Variants in GLI2 observed in about 807,000 individuals in gnomAD.
The protein encoded by GLI2 is GLI family zinc finger 2, also known as transcription activator GLI2.
In GLI2, 22 loss-of-function variants were observed where a neutral mutation model predicts 78.9. That is an observed-to-expected ratio of 0.28 (90% CI 0.20 to 0.40). GLI2 has a LOEUF of 0.40. GLI2 is among the 10% of genes least tolerant of loss of function. The pLI, the probability that GLI2 is intolerant of heterozygous loss-of-function variation, is 1.00. For synonymous variants in GLI2, 974 were observed against 963.7 expected (o/e 1.01, Z -0.20); for missense variants, 2,097 against 2,213.2 (o/e 0.95, Z 1.05).
chr2:120,813,312 A>G (rs1461937659), intron 2 of GLI2, among the ~76,000 whole-genome samples: 1 of 152,228 alleles, frequency 6.6e-6, no homozygotes. Flanking sequence ...AGGGAAGGCA[A>G]GAACCCCCTT....
chr2:120,773,570 G>A (rs562402097), intron 1 of GLI2, among the ~76,000 whole-genome samples: 8 of 152,184 alleles, frequency 5.3e-5, no homozygotes, highest in Non-Finnish European at 1.2e-4. Context: ...GCATTGGTTG[G>A]TGCTGAAGAG....
intron 2 of GLI2, among the ~76,000 whole-genome samples, chr2:120,821,504 T>C (rs1207358228): frequency 6.6e-6 from 1 of 152,090 alleles, no homozygotes; most frequent in African/African-American, 2.4e-5. Context: ...TCGGATGGGC[T>C]TGTAAACCAG....
At chr2:120,963,653 G>A (rs753249812) in intron 5 of GLI2, among the ~76,000 whole-genome samples, 1 of 152,076 alleles carries the variant, frequency 6.6e-6, no homozygotes, top group African/African-American at 2.4e-5. Context: ...TCCCATGCAG[G>A]GGGCCCTCCC....
chr2:120,972,513 T>C (rs1558927148), intron 8 of GLI2: 1 of 438,522 alleles, frequency 2.3e-6, no homozygotes. Context: ...TCCTGGGTGA[T>C]AGGACTGAGC....
rs1383499513 is a variant in GLI2, at chr2:120,992,177, C to T, written c.*1502C>T. 1.3e-5 allele frequency: 2 copies of T among 152,584 alleles called. No homozygotes were observed. Among genetic ancestry groups the T allele is most frequent in the African/African-American group, 2.4e-5 (1 of 41,436 alleles). 9.5% of individuals were successfully genotyped at this position (152,584 alleles called of 1,614,324 possible). On this transcript the variant is annotated 3_prime_UTR_variant, in exon 14 of 14. Coordinates refer to ENST00000361492, the MANE Select transcript of GLI2 (RefSeq NM_001374353.1). ...GAGAGTTTGAGGACAAGGCCAACAT[C>T]GTCATCTGGGCTCGCTGCGTCCCAG... is the stretch of plus-strand genomic sequence containing the variant.
chr2:120,885,525 C>T (rs1032724580), intron 2 of GLI2, among the ~76,000 whole-genome samples: 5 of 152,216 alleles, frequency 3.3e-5, no homozygotes, highest in Admixed American at 2.6e-4. Context: ...TGGCCCTTCA[C>T]TGACTGATCC....
At chr2:120,868,040 G>A (rs1422312902) in intron 2 of GLI2, among the ~76,000 whole-genome samples, 1 of 152,180 alleles carries the variant, frequency 6.6e-6, no homozygotes, top group African/African-American at 2.4e-5. Context: ...CTCCCGCAAC[G>A]GATGTACTCC....
intron 1 of GLI2, among the ~76,000 whole-genome samples, chr2:120,753,322 G>A (rs936317588): frequency 6.6e-6 from 1 of 151,982 alleles, no homozygotes; most frequent in Non-Finnish European, 1.5e-5. Context: ...TTTCAAACTC[G>A]TGACTTCAGG....
intron 2 of GLI2, among the ~76,000 whole-genome samples, chr2:120,815,560 G>A (rs1685454287): frequency 6.6e-6 from 1 of 152,214 alleles, no homozygotes; most frequent in Non-Finnish European, 1.5e-5. Context: ...CCTGAGCTCT[G>A]TGGTCACGTG....
intron 2 of GLI2, among the ~76,000 whole-genome samples, chr2:120,892,965 T>G (rs1165036704): frequency 1.3e-5 from 2 of 152,244 alleles, no homozygotes; most frequent in African/African-American, 4.8e-5. Flanking sequence ...TGATAGATGC[T>G]GTGGATTTGA....
intron 5 of GLI2, among the ~76,000 whole-genome samples, chr2:120,958,808 C>A (rs142344170): frequency 1.3e-3 from 200 of 152,320 alleles, no homozygotes; most frequent in Non-Finnish European, 2.2e-3. Context: ...TTCAAGCCAC[C>A]AACTAGCTCC....
intron 2 of GLI2, among the ~76,000 whole-genome samples, chr2:120,923,079 CACAT>C (rs1679463735): frequency 6.6e-6 from 1 of 151,984 alleles, no homozygotes; most frequent in African/African-American, 2.4e-5. Flanking sequence ...CACACACACA[CACAT>C]ATACACAGCA....
At chr2:120,814,398 G>A (rs1212412644) in intron 2 of GLI2, among the ~76,000 whole-genome samples, 5 of 152,214 alleles carry the variant, frequency 3.3e-5, no homozygotes, top group Non-Finnish European at 7.3e-5. Flanking sequence ...TGAAAGGTGT[G>A]TGAGTGTGGT....
chr2:120,819,950 G>A (rs530050281), intron 2 of GLI2, among the ~76,000 whole-genome samples: 82 of 152,206 alleles, frequency 5.4e-4, no homozygotes, highest in African/African-American at 1.9e-3. Context: ...GGATGAATAC[G>A]GGTTCACTAG....
chr2:120,773,731 A>G (rs1683591387), intron 1 of GLI2, among the ~76,000 whole-genome samples: 2 of 152,148 alleles, frequency 1.3e-5, no homozygotes, highest in African/African-American at 4.8e-5. Flanking sequence ...GGTGGCAGGC[A>G]GCACGGCCTT....
intron 1 of GLI2, among the ~76,000 whole-genome samples, chr2:120,772,943 C>A (rs1010678577): frequency 6.6e-6 from 1 of 152,196 alleles, no homozygotes; most frequent in Non-Finnish European, 1.5e-5. Flanking sequence ...GCCTTCCCTC[C>A]CCTCTCCTTG....
At chr2:120,882,797 T>TC (rs1446457668) in intron 2 of GLI2, among the ~76,000 whole-genome samples, 1 of 152,214 alleles carries the variant, frequency 6.6e-6, no homozygotes, top group East Asian at 1.9e-4. Context: ...CTTTTTTTTT[T>TC]CTTCTCATTT....
In GLI2 at chr2:120,737,054, G is replaced by C. The variant is rs1682385997; in HGVS notation, c.-31+769G>C. 6.6e-6 allele frequency among the ~76,000 whole-genome samples: 1 copy of C among 152,038 alleles called. No individual in the cohort carries two copies. The highest frequency in any genetic ancestry group is 2.1e-4 in the South Asian group (1 of 4,820). On this transcript the variant is annotated intron_variant, in intron 1 of 13. Coordinates refer to ENST00000361492, the MANE Select transcript of GLI2 (RefSeq NM_001374353.1). The surrounding 1 kb of genome is among the most constrained non-coding windows in gnomAD (Gnocchi z 4.3). The stretch of plus-strand genomic sequence containing the variant: ...CCCACCCCCGACAATCTCTCAACAA[G>C]TATATTTGCTGAGGAATTTGAAAAA...
At chr2:120,783,151 G>A (rs982215939) in intron 1 of GLI2, among the ~76,000 whole-genome samples, 3 of 152,168 alleles carry the variant, frequency 2.0e-5, no homozygotes, top group Non-Finnish European at 4.4e-5. Context: ...TCAGCTCTGG[G>A]GCAGGGGAAC....
Sources: allele counts gnomAD v4.1 joint callset (sites outside exome capture counted in the v4.1 genomes callset), GRCh38; gene constraint gnomAD v4.1.1; non-coding constraint Gnocchi (gnomAD v3.1); transcripts MANE v1.5; gene names NCBI Gene and HGNC (gene_info 2026-07-23, HGNC 2026-07-21).